Variants in ALKBH8 observed in about 807,000 individuals in gnomAD.
The protein encoded by ALKBH8 is alkB homolog 8, tRNA methyltransferase, also known as tRNA (carboxymethyluridine(34)-5-O)-methyltransferase ALKBH8.
In ALKBH8, 36 loss-of-function variants were observed where a neutral mutation model predicts 59.8. The observed-to-expected ratio is 0.60, with a 90% CI of 0.46 to 0.79. The LOEUF (loss-of-function observed/expected upper bound fraction) is 0.79, where lower values mean the gene tolerates loss of function less well. Among genes scored for constraint, ALKBH8 ranks in the 30% least tolerant of loss-of-function variants. The pLI, the probability that ALKBH8 is intolerant of heterozygous loss-of-function variation, is 0.00. For synonymous variants in ALKBH8, 276 were observed against 273.6 expected (o/e 1.01, Z -0.09); for missense variants, 768 against 801.0 (o/e 0.96, Z 0.50).
chr11:107,564,739 TC>T (rs1477599211), intron 1 of ALKBH8, among the ~76,000 whole-genome samples: 2 of 152,198 alleles, frequency 1.3e-5, no homozygotes, highest in Non-Finnish European at 2.9e-5. Context: ...CTACATATTT[TC>T]TTACACTCTC....
intron 7 of ALKBH8, among the ~76,000 whole-genome samples, chr11:107,540,334 C>T (rs1863985563): frequency 6.6e-6 from 1 of 152,166 alleles, no homozygotes; most frequent in Admixed American, 6.5e-5. Context: ...AGCTGCTGAA[C>T]AAATAGATTC....
At chr11:107,560,134 G>A (rs769231621) in intron 2 of ALKBH8, among the ~76,000 whole-genome samples, 2 of 152,124 alleles carry the variant, frequency 1.3e-5, no homozygotes, top group African/African-American at 2.4e-5. Flanking sequence ...ACTACTACTC[G>A]TGTCCAGAAA....
chr11:107,551,878 T>C lies in ALKBH8; in HGVS notation c.630A>G (p.Lys210=). The C allele has an allele frequency of 6.5e-7, 1 of 1,547,836 alleles. No homozygotes were observed. Among genetic ancestry groups the C allele is most frequent in the Non-Finnish European group, 8.7e-7 (1 of 1,152,260 alleles). Residue 210 remains lysine (K), a synonymous_variant, in exon 6 of 12, where the codon AAA becomes AAG. Transcript: ENST00000428149. The part of the protein sequence containing the change: ...LPDICESFLE[K]WLRKGYIKHK... The stretch of plus-strand genomic sequence containing the variant: ...GTTTAATGTAACCTTTCCTCAACCA[T>C]TTCTCCAAAAAGCTTTCACAAATGT...
chr11:107,553,307 T>C (rs41416346), intron 4 of ALKBH8, 104 bp from the exon 5 acceptor site: 23,647 of 623,094 alleles, frequency 0.038, 1,380 homozygotes, highest in East Asian at 0.23. Context: ...TAATGGCAAC[T>C]TCTGTTAATT....
At position 107,522,425 on chromosome 11, in the gene ALKBH8, G is replaced by A; in HGVS notation, c.1161C>T (p.Ser387=). The change falls in exon 10 of 12, where the codon AGC becomes AGT. Residue 387 remains serine (S), a synonymous_variant. Transcript: ENST00000428149. ...QVYEEIAGHF[S]STRHTPWPHI... is the part of the protein sequence containing the mutation. ...GCGGCCAAGGGGTATGTCTTGTGCT[G>A]CTGAAGTGCCCAGCAATCTCTTCAT... 1 of 1,551,764 alleles carries A rather than the reference G, an allele frequency of 6.4e-7. No individual in the cohort carries two copies. The highest frequency in any genetic ancestry group is 1.2e-5 in the South Asian group (1 of 84,056).
chr11:107,523,774 T>C (rs1863233823), intron 9 of ALKBH8, among the ~76,000 whole-genome samples: 1 of 151,744 alleles, frequency 6.6e-6, no homozygotes, highest in Non-Finnish European at 1.5e-5. Context: ...GGCCAATTTT[T>C]GTATTTTTGG....
chr11:107,525,415 C>T lies in ALKBH8; in HGVS notation c.1030+26G>A, dbSNP rs754524744. 3.3e-6 allele frequency: 5 copies of T among 1,508,006 alleles called. No homozygotes were observed. In the South Asian group the frequency reaches 6.4e-5, roughly 19 times the overall value. 93.4% of individuals were successfully genotyped at this position (1,508,006 alleles called of 1,614,324 possible). On this transcript the variant is annotated intron_variant, in intron 9 of 11. Transcript: ENST00000428149. ...TTTATATTAAACTGACTCCATTTTA[C>T]AGACGAGATAAGAGTATATACTTAC... is the stretch of plus-strand genomic sequence containing the variant.
At chr11:107,516,034 G>A (rs578202375) in intron 10 of ALKBH8, among the ~76,000 whole-genome samples, 2 of 152,168 alleles carry the variant, frequency 1.3e-5, no homozygotes. Context: ...ACCTTTTCCT[G>A]AGTACGCATA....
At position 107,554,792 on chromosome 11, in the gene ALKBH8, T is replaced by C. The variant is rs904943792; in HGVS notation, c.368-814A>G. On this transcript the variant is annotated intron_variant, in intron 3 of 11. Transcript: ENST00000428149. Reference sequence around the variant, plus strand: ...CTACTATGTGCCAGACATTATATTATGTATTCAAATTATGTAAGGAAAACT... The same window carrying C: ...CTACTATGTGCCAGACATTATATTACGTATTCAAATTATGTAAGGAAAACT... 2.0e-5 allele frequency among the ~76,000 whole-genome samples: 3 copies of C among 152,346 alleles called. 1 individual carries two copies. Among genetic ancestry groups the C allele is most frequent in the Admixed American group, 6.5e-5 (1 of 15,308 alleles).
intron 7 of ALKBH8, among the ~76,000 whole-genome samples, chr11:107,542,595 C>A (rs1319454726): frequency 6.6e-6 from 1 of 152,166 alleles, no homozygotes; most frequent in African/African-American, 2.4e-5. Context: ...AATTTATAAT[C>A]ATTGAAATAC....
chr11:107,525,685 A>T, intron 8 of ALKBH8, 93 bp from the exon 9 acceptor site: 1 of 868,084 alleles, frequency 1.2e-6, no homozygotes, highest in Non-Finnish European at 1.6e-6. Context: ...GAAAATCTAG[A>T]AGAATTTATT....
chr11:107,517,608 T>C (rs1263343863), intron 10 of ALKBH8, among the ~76,000 whole-genome samples: 1 of 152,160 alleles, frequency 6.6e-6, no homozygotes, highest in Non-Finnish European at 1.5e-5. Context: ...CTGCCATTCA[T>C]AACAATATAG....
At chr11:107,556,340 G>A (rs1864710357) in intron 3 of ALKBH8, among the ~76,000 whole-genome samples, 1 of 152,112 alleles carries the variant, frequency 6.6e-6, no homozygotes, top group East Asian at 1.9e-4. Flanking sequence ...GGTAGCTACA[G>A]GTGTTCTGCT....
intron 7 of ALKBH8, among the ~76,000 whole-genome samples, chr11:107,544,580 A>C (rs1864171942): frequency 6.6e-6 from 1 of 152,196 alleles, no homozygotes; most frequent in Admixed American, 6.5e-5. Context: ...TGATCAAACA[A>C]GGTAGACCAT....
At chr11:107,523,002 G>T (rs376544780) in intron 9 of ALKBH8, among the ~76,000 whole-genome samples, 1 of 150,724 alleles carries the variant, frequency 6.6e-6, no homozygotes, top group Admixed American at 6.6e-5. Context: ...ATCCCCTCTC[G>T]TATCAAGAGC....
At position 107,522,486 on chromosome 11, in the gene ALKBH8, G is replaced by T. The variant is rs1191859660; in HGVS notation, c.1100C>A (p.Ala367Asp). The T allele has an allele frequency of 1.3e-6, 2 of 1,551,556 alleles. No individual in the cohort carries two copies. Among genetic ancestry groups the T allele is most frequent in the Non-Finnish European group, 1.7e-6 (2 of 1,146,986 alleles). The change falls in exon 10 of 12, where the codon GCC (alanine) becomes GAC (aspartate). Residue 367 changes from alanine (A) to aspartate (D), a missense_variant. Transcript: ENST00000428149. ...PPSFPESDKE[A>D]SRLEQEYVHQ... ...GACGTACTCTTGCTCCAGCCGTGAG[G>T]CTTCTTTATCACTCTCTGGAAATGA...
intron 6 of ALKBH8, among the ~76,000 whole-genome samples, chr11:107,551,456 G>A (rs976083583): frequency 5.9e-5 from 9 of 152,100 alleles, no homozygotes; most frequent in Non-Finnish European, 1.2e-4. Flanking sequence ...CACTTTGGGA[G>A]GCTGAGGCGG....
chr11:107,518,210 TAGA>T (rs1173760558), intron 10 of ALKBH8, among the ~76,000 whole-genome samples: 2 of 152,184 alleles, frequency 1.3e-5, no homozygotes, highest in African/African-American at 4.8e-5. Flanking sequence ...GGAAAAACAT[TAGA>T]AGGATATTCA....
intron 6 of ALKBH8, among the ~76,000 whole-genome samples, chr11:107,551,190 T>C (rs768696828): frequency 2.0e-5 from 3 of 152,158 alleles, no homozygotes; most frequent in Non-Finnish European, 4.4e-5. Context: ...ACGTCTCCTA[T>C]GTTTTTCAGA....
Sources: gnomAD v4.1 joint callset for allele counts (sites outside exome capture counted in the v4.1 genomes callset) on GRCh38, gnomAD v4.1.1 for gene constraint, MANE v1.5 for transcripts, NCBI Gene and HGNC (gene_info 2026-07-23, HGNC 2026-07-21) for gene names.